The following HIVEP3 variants were observed in gnomAD, a reference collection of about 807,000 sequenced individuals.
HIVEP3 encodes transcription factor HIVEP3.
In HIVEP3, 49 loss-of-function variants were observed where a neutral mutation model predicts 152.8. That is an observed-to-expected ratio of 0.32 (90% CI 0.26 to 0.41). HIVEP3 has a LOEUF of 0.41. Ranked by LOEUF, HIVEP3 falls within the 10% of genes least tolerant of loss-of-function variation. The pLI, the probability that HIVEP3 is intolerant of heterozygous loss-of-function variation, is 1.00. For missense variants in HIVEP3, 2,790 were observed against 3,103.3 expected (o/e 0.90, Z 2.40); for synonymous variants, 1,269 against 1,289.0 (o/e 0.98, Z 0.33).
At chr1:41,703,021 GA>G (rs1646385567) in intron 1 of HIVEP3, among the ~76,000 whole-genome samples, 1 of 152,168 alleles carries the variant, frequency 6.6e-6, no homozygotes, top group African/African-American at 2.4e-5. Flanking sequence ...TTCCTATTGT[GA>G]AATCTCGTTT....
At chr1:41,690,272 T>C (rs1646176846) in intron 2 of HIVEP3, among the ~76,000 whole-genome samples, 2 of 152,172 alleles carry the variant, frequency 1.3e-5, no homozygotes, top group Non-Finnish European at 1.5e-5. Flanking sequence ...AGAAAGAAGA[T>C]GGCATTTGAG....
At chr1:41,947,147 T>C (rs1260389826) in intron 1 of HIVEP3, among the ~76,000 whole-genome samples, 1 of 152,196 alleles carries the variant, frequency 6.6e-6, no homozygotes, top group Non-Finnish European at 1.5e-5. Context: ...GGTTCAGGGA[T>C]AGACCCCATC....
intron 2 of HIVEP3, among the ~76,000 whole-genome samples, chr1:41,668,998 T>C (rs1009199476): frequency 2.0e-5 from 3 of 151,868 alleles, no homozygotes; most frequent in Admixed American, 6.6e-5. Context: ...TGCCTGGGAG[T>C]GCAGAGGAAG....
chr1:41,893,502 C>T (rs1644479510), intron 1 of HIVEP3, among the ~76,000 whole-genome samples: 1 of 151,810 alleles, frequency 6.6e-6, no homozygotes. Flanking sequence ...GCCAGGTTTG[C>T]TACTATACCT....
chr1:41,794,955 TC>T (rs1348383337), intron 1 of HIVEP3, among the ~76,000 whole-genome samples: 2 of 152,186 alleles, frequency 1.3e-5, no homozygotes, highest in Non-Finnish European at 2.9e-5. Flanking sequence ...AGAGACAGGG[TC>T]TTGCTCTGTT....
chr1:41,823,011 G>T (rs185333927), intron 1 of HIVEP3, among the ~76,000 whole-genome samples: 66 of 152,318 alleles, frequency 4.3e-4, no homozygotes, highest in African/African-American at 1.4e-3. Flanking sequence ...CTAGAGAAAG[G>T]CTCTTAAGGA....
At chr1:41,887,661 T>G (rs992727808) in intron 1 of HIVEP3, among the ~76,000 whole-genome samples, 1 of 152,172 alleles carries the variant, frequency 6.6e-6, no homozygotes, top group African/African-American at 2.4e-5. Context: ...GGCTTCTACC[T>G]CACCTGAGCA....
At chr1:41,537,086 C>T (rs1197754527) in intron 5 of HIVEP3, among the ~76,000 whole-genome samples, 1 of 152,188 alleles carries the variant, frequency 6.6e-6, no homozygotes, top group Admixed American at 6.5e-5. Context: ...CATGTCTGAC[C>T]TTCAAGCCCG....
At chr1:41,579,595 C>G (rs1411386608) in intron 4 of HIVEP3, 142 bp downstream of exon 4, 1 of 862,222 alleles carries the variant, frequency 1.2e-6, no homozygotes, top group Non-Finnish European at 1.7e-6. Flanking sequence ...TGTAAGGTGA[C>G]CAGTCTCAGC....
chr1:41,906,359 A>G (rs1644710300), intron 1 of HIVEP3, among the ~76,000 whole-genome samples: 1 of 149,564 alleles, frequency 6.7e-6, no homozygotes, highest in East Asian at 2.0e-4. Context: ...CCATTCAGCC[A>G]CACAAATAAT....
At chr1:41,823,084 T>TA (rs1188896084) in intron 1 of HIVEP3, among the ~76,000 whole-genome samples, 1 of 152,152 alleles carries the variant, frequency 6.6e-6, no homozygotes, top group Non-Finnish European at 1.5e-5. Flanking sequence ...TATGGCCTTA[T>TA]AAAAAGAAGG....
chr1:41,582,899 C>A lies in HIVEP3; in HGVS notation c.1899G>T (p.Lys633Asn). Residue 633 changes from lysine to asparagine, a missense_variant, in exon 4 of 9, where the codon AAG becomes AAT. This residue lies in a region of HIVEP3 where 339 missense variants were observed against 327.0 expected (regional missense o/e 1.04). Transcript: ENST00000372583. The surrounding 1 kb of genome is among the most constrained non-coding windows in gnomAD (Gnocchi z 4.7). Reference protein sequence around the residue: ...PKESELTKKTKKGLKTKGVIY... With the variant: ...PKESELTKKTNKGLKTKGVIY... ...TCACCCCTTTTGTTTTCAAACCCTT[C>A]TTGGTCTTTTTGGTAAGCTCGCTTT... 6.2e-7 allele frequency: 1 copy of A among 1,614,154 alleles called. No homozygotes were observed. Among genetic ancestry groups the A allele is most frequent in the South Asian group, 1.1e-5 (1 of 91,078 alleles).
At chr1:41,710,526 C>G (rs566254351) in intron 1 of HIVEP3, among the ~76,000 whole-genome samples, 7 of 152,192 alleles carry the variant, frequency 4.6e-5, no homozygotes, top group Non-Finnish European at 1.0e-4. Flanking sequence ...TCCTCTCCCC[C>G]ATCTCTTCTC....
chr1:41,568,476 G>A (rs1238892941), intron 5 of HIVEP3, among the ~76,000 whole-genome samples: 2 of 152,244 alleles, frequency 1.3e-5, no homozygotes, highest in Admixed American at 1.3e-4. Flanking sequence ...GGCCCGTGAG[G>A]GCTTCGGGGG....
intron 1 of HIVEP3, among the ~76,000 whole-genome samples, chr1:41,780,886 C>T (rs770398042): frequency 3.3e-5 from 5 of 152,164 alleles, no homozygotes; most frequent in Non-Finnish European, 5.9e-5. Context: ...GCCACCAAGA[C>T]AAGCATTTGA....
At chr1:41,953,663 A>G (rs1482366836) in intron 1 of HIVEP3, among the ~76,000 whole-genome samples, 1 of 152,192 alleles carries the variant, frequency 6.6e-6, no homozygotes, top group African/African-American at 2.4e-5. Context: ...TGAATGAATG[A>G]GTGAATGATC....
chr1:41,745,779 T>C (rs979255939), intron 1 of HIVEP3, among the ~76,000 whole-genome samples: 1 of 152,196 alleles, frequency 6.6e-6, no homozygotes, highest in African/African-American at 2.4e-5. Flanking sequence ...GGGAGGAATG[T>C]TCTGGCCAGA....
chr1:41,967,692 A>C (rs1645206895), intron 1 of HIVEP3, among the ~76,000 whole-genome samples: 1 of 152,238 alleles, frequency 6.6e-6, no homozygotes, highest in Non-Finnish European at 1.5e-5. Context: ...GAAATAACTG[A>C]GATCAGAGCA....
chr1:41,532,687 GA>G (rs1643297449), intron 5 of HIVEP3, among the ~76,000 whole-genome samples: 1 of 152,132 alleles, frequency 6.6e-6, no homozygotes, highest in South Asian at 2.1e-4. Flanking sequence ...CCAAGATCCA[GA>G]AGTTTCAACT....
Sources: gnomAD v4.1 joint callset for allele counts (sites outside exome capture counted in the v4.1 genomes callset) on GRCh38, gnomAD v4.1.1 for gene constraint, gnomAD v4.1.1 regional missense constraint, Gnocchi (gnomAD v3.1) non-coding constraint, MANE v1.5 for transcripts, NCBI Gene and HGNC (gene_info 2026-07-23, HGNC 2026-07-21) for gene names.